Variants in MACROD2 observed in about 807,000 individuals in gnomAD.
MACROD2 encodes ADP-ribose glycohydrolase MACROD2.
In MACROD2, 36 loss-of-function variants were observed where a neutral mutation model predicts 70.4. The ratio of observed to expected loss-of-function variants is 0.51; its 90% CI spans 0.39 to 0.68. MACROD2 has a LOEUF of 0.68. Ranked by LOEUF, MACROD2 falls within the 30% of genes least tolerant of loss-of-function variation. The pLI, the probability that MACROD2 is intolerant of heterozygous loss-of-function variation, is 0.00. For synonymous variants in MACROD2, 172 were observed against 178.8 expected (o/e 0.96, Z 0.30); for missense variants, 496 against 538.4 (o/e 0.92, Z 0.78).
intron 5 of MACROD2, among the ~76,000 whole-genome samples, chr20:14,828,311 A>G (rs2072925003): frequency 6.6e-6 from 1 of 152,142 alleles, no homozygotes; most frequent in Non-Finnish European, 1.5e-5. Flanking sequence ...TGTATATACA[A>G]CTTCTATGAA....
chr20:16,032,788 CAGGA>C (rs1409616119), intron 15 of MACROD2, among the ~76,000 whole-genome samples: 1 of 95,126 alleles, frequency 1.1e-5, no homozygotes, highest in African/African-American at 4.2e-5. Context: ...GAAGGAAGGG[CAGGA>C]AGGGAGGGAG....
chr20:14,211,640 C>G (rs1451485327), intron 3 of MACROD2, among the ~76,000 whole-genome samples: 1 of 152,164 alleles, frequency 6.6e-6, no homozygotes, highest in African/African-American at 2.4e-5. Context: ...CCCATTAGCT[C>G]TGGCCGATGG....
chr20:15,319,074 A>G (rs1178874131), intron 6 of MACROD2, among the ~76,000 whole-genome samples: 1 of 152,192 alleles, frequency 6.6e-6, no homozygotes, highest in Non-Finnish European at 1.5e-5. Flanking sequence ...AAAATCCACA[A>G]AAAGAGAAAA....
At chr20:15,477,100 T>TG (rs35646224) in intron 7 of MACROD2, among the ~76,000 whole-genome samples, 3 of 9,270 alleles carry the variant, frequency 3.2e-4, no homozygotes, top group African/African-American at 1.4e-3. Context: ...CTATTTTTAG[T>TG]TTTTTTTTTT....
intron 8 of MACROD2, among the ~76,000 whole-genome samples, chr20:15,677,767 A>G (rs1326526853): frequency 6.6e-6 from 1 of 152,198 alleles, no homozygotes; most frequent in Non-Finnish European, 1.5e-5. Context: ...TTTCGTTTTT[A>G]CCTTATAAAA....
At chr20:14,034,311 A>C (rs1485463798) in intron 2 of MACROD2, among the ~76,000 whole-genome samples, 1 of 152,164 alleles carries the variant, frequency 6.6e-6, no homozygotes, top group East Asian at 1.9e-4. Context: ...ATTGTCTGTC[A>C]TTGTATGGAA....
rs751539561 is a variant in MACROD2 at position 15,967,636 on chromosome 20, T to C, written c.985+6T>C. 3.6e-5 allele frequency: 56 copies of C among 1,574,962 alleles called. No homozygotes were observed. Among genetic ancestry groups the C allele is most frequent in the Non-Finnish European group, 4.3e-6 (5 of 1,161,064 alleles). On this transcript the variant is annotated splice_donor_region_variant and intron_variant, in intron 13 of 17. Coordinates refer to ENST00000684519, the MANE Select transcript of MACROD2 (RefSeq NM_001351661.2). ...TGACCAAGATCATCCCGATGGTAGG[T>C]TGTGAAATCCTTTATTAGATTTTCT...
chr20:15,890,791 G>A (rs917792860), intron 10 of MACROD2, among the ~76,000 whole-genome samples: 7 of 152,012 alleles, frequency 4.6e-5, no homozygotes, highest in African/African-American at 9.7e-5. Context: ...GAAATGAGTC[G>A]CCATAGCTCT....
chr20:14,043,606 A>T (rs2053425321), intron 2 of MACROD2, among the ~76,000 whole-genome samples: 1 of 152,160 alleles, frequency 6.6e-6, no homozygotes, highest in South Asian at 2.1e-4. Context: ...GAGTGGGAAA[A>T]CCTAGAAAGG....
At chr20:14,671,304 A>G (rs1275517264) in intron 4 of MACROD2, among the ~76,000 whole-genome samples, 1 of 152,150 alleles carries the variant, frequency 6.6e-6, no homozygotes, top group African/African-American at 2.4e-5. Flanking sequence ...TACATCTTTA[A>G]CATACTCTGG....
intron 4 of MACROD2, among the ~76,000 whole-genome samples, chr20:14,552,224 A>T (rs1488288635): frequency 7.1e-6 from 1 of 141,790 alleles, no homozygotes; most frequent in African/African-American, 2.6e-5. Context: ...TCAATTTTTC[A>T]TTCATTTCAT....
intron 8 of MACROD2, among the ~76,000 whole-genome samples, chr20:15,575,313 C>T (rs2048430971): frequency 6.6e-6 from 1 of 152,092 alleles, no homozygotes; most frequent in South Asian, 2.1e-4. Context: ...TGTATTATAA[C>T]ATCATTAAAA....
intron 3 of MACROD2, among the ~76,000 whole-genome samples, chr20:14,263,192 T>TTA (rs1352594210): frequency 6.6e-6 from 1 of 152,148 alleles, no homozygotes; most frequent in East Asian, 1.9e-4. Flanking sequence ...ATCAGTCAAG[T>TTA]TATAACTATC....
chr20:15,091,683 T>C (rs190595183), intron 5 of MACROD2, among the ~76,000 whole-genome samples: 54 of 152,256 alleles, frequency 3.5e-4, no homozygotes, highest in African/African-American at 1.1e-3. Context: ...AGGTGGTCTT[T>C]TTCAAAGAGC....
At chr20:14,622,180 G>A (rs1983867887) in intron 4 of MACROD2, among the ~76,000 whole-genome samples, 1 of 151,924 alleles carries the variant, frequency 6.6e-6, no homozygotes, top group Non-Finnish European at 1.5e-5. Context: ...AAAGATATTA[G>A]AAACTCAAAT....
intron 5 of MACROD2, among the ~76,000 whole-genome samples, chr20:15,109,740 T>C (rs1318009832): frequency 6.6e-6 from 1 of 152,194 alleles, no homozygotes; most frequent in Admixed American, 6.5e-5. Context: ...TTGAATGCGC[T>C]CAGGAACTTT....
At position 15,846,911 on chromosome 20, in the gene MACROD2, T is replaced by TTATATATA. The variant is rs33993940; in HGVS notation, c.646-15800_646-15793dup. On this transcript the variant is annotated intron_variant, in intron 8 of 17. Transcript: ENST00000684519. ...GACCTTGACATAGTCAAAAAAAAAA[T>TTATATATA]TATATATATATATATATATATATAT... Among the ~76,000 whole-genome samples the TTATATATA allele has an allele frequency of 5.7e-3, 781 of 137,578 alleles. 20 individuals carry two copies. Among genetic ancestry groups the TTATATATA allele is most frequent in the East Asian group, 0.013 (52 of 4,022 alleles). The allele number at this position is 137,578 out of a possible 152,430, so 90.3% of individuals were successfully genotyped here.
intron 8 of MACROD2, among the ~76,000 whole-genome samples, chr20:15,661,126 G>T (rs2049816105): frequency 6.6e-6 from 1 of 152,022 alleles, no homozygotes; most frequent in African/African-American, 2.4e-5. Flanking sequence ...ACCTTTCAGG[G>T]GACATCTAGT....
intron 4 of MACROD2, among the ~76,000 whole-genome samples, chr20:14,663,443 T>C (rs1299915679): frequency 6.6e-6 from 1 of 151,770 alleles, no homozygotes; most frequent in Non-Finnish European, 1.5e-5. Context: ...TAGGTTTACC[T>C]ATATAACAAA....
Sources: gnomAD v4.1 joint callset for allele counts (sites outside exome capture counted in the v4.1 genomes callset) on GRCh38, gnomAD v4.1.1 for gene constraint, MANE v1.5 for transcripts, NCBI Gene and HGNC (gene_info 2026-07-23, HGNC 2026-07-21) for gene names.